ATG10: variants seen among roughly 807,000 people sequenced by gnomAD.
ATG10 encodes the protein autophagy related 10.
Under a neutral mutation model 32.1 loss-of-function variants are expected in ATG10, and 30 were observed. That is an observed-to-expected ratio of 0.94 (90% CI 0.70 to 1.27). ATG10 has a LOEUF of 1.27. Among genes scored for constraint, ATG10 ranks in the 50% most tolerant of loss-of-function variants. The probability of loss-of-function intolerance (pLI) is 0.00; values close to 1 mark genes in which losing one functional copy is unlikely to be tolerated. For synonymous variants in ATG10, 87 were observed against 91.5 expected, an observed-to-expected ratio of 0.95 and a Z score of 0.28; for missense variants, 233 against 262.3, an observed-to-expected ratio of 0.89 and a Z score of 0.77.
chr5:82,111,704 A>G (rs1765627461), intron 3 of ATG10, among the ~76,000 whole-genome samples: 1 of 152,018 alleles, frequency 6.6e-6, no homozygotes, highest in Non-Finnish European at 1.5e-5. Context: ...TAGAACTAGT[A>G]GATGAAAACA....
chr5:82,160,878 T>C (rs953013138), intron 3 of ATG10, among the ~76,000 whole-genome samples: 1 of 152,160 alleles, frequency 6.6e-6, no homozygotes, highest in South Asian at 2.1e-4. Flanking sequence ...TGCTGGTAAA[T>C]TACCTATGAA....
intron 3 of ATG10, among the ~76,000 whole-genome samples, chr5:82,074,673 G>A (rs1188915558): frequency 6.6e-6 from 1 of 152,034 alleles, no homozygotes; most frequent in Non-Finnish European, 1.5e-5. Context: ...TATTCTCCAC[G>A]GTACCTAATC....
intron 1 of ATG10, among the ~76,000 whole-genome samples, chr5:81,973,477 C>T (rs576497884): frequency 6.6e-6 from 1 of 152,352 alleles, no homozygotes; most frequent in South Asian, 2.1e-4. Flanking sequence ...ATCCTTTCTT[C>T]AGTGTTTATG....
At chr5:82,080,861 G>A (rs540817925) in intron 3 of ATG10, among the ~76,000 whole-genome samples, 15 of 152,112 alleles carry the variant, frequency 9.9e-5, no homozygotes, top group Middle Eastern at 3.4e-3. Context: ...TTTTTGTTCC[G>A]TATGAACTTT....
At chr5:82,229,485 C>T (rs1746261957) in intron 5 of ATG10, among the ~76,000 whole-genome samples, 1 of 152,136 alleles carries the variant, frequency 6.6e-6, no homozygotes, top group African/African-American at 2.4e-5. Context: ...TCTTATTGGG[C>T]AAGTTTCATG....
At position 82,254,562 on chromosome 5, in the gene ATG10, G is replaced by C. The variant is rs76810967; in HGVS notation, c.*499G>C. 1.3e-5 allele frequency: 1 copy of C among 78,506 alleles called. No homozygotes were observed. Among genetic ancestry groups the C allele is most frequent in the Admixed American group, 1.5e-4 (1 of 6,662 alleles). The allele number at this position is 78,506 out of a possible 1,614,324, so 4.9% of individuals were successfully genotyped here. On this transcript the variant is annotated 3_prime_UTR_variant, in exon 8 of 8. Transcript: ENST00000282185. ...TGACAGAGCCAGACACTGTCTCGGG[G>C]AAAAAAAAAAAAAAAAAAAGACACA...
At chr5:82,136,086 C>G (rs890024832) in intron 3 of ATG10, among the ~76,000 whole-genome samples, 3 of 152,102 alleles carry the variant, frequency 2.0e-5, no homozygotes, top group African/African-American at 7.2e-5. Context: ...GGTAATTATT[C>G]TTCCATCCCT....
chr5:82,009,889 G>A lies in ATG10; in HGVS notation c.108+22211G>A, dbSNP rs567018500. ...GACTTGCCACTAGTGCCATTATGGC[G>A]TGTGAAGTCACCACCCTGACACATA... is the stretch of plus-strand genomic sequence containing the variant. On this transcript the variant is annotated intron_variant, in intron 2 of 7. Transcript: ENST00000282185. The A allele has an allele frequency of 2.5e-5, 40 of 1,610,020 alleles. No homozygotes were observed. The Middle Eastern group carries it at 5.0e-4, about 20-fold the overall frequency.
In ATG10 at chr5:82,142,049, G is replaced by A. The variant is rs1227718275; in HGVS notation, c.217-22350G>A. Among the ~76,000 whole-genome samples, 9 of 152,122 alleles carry A rather than the reference G, an allele frequency of 5.9e-5. No homozygotes were observed. In the South Asian group the frequency reaches 6.2e-4, roughly 11 times the overall value. On this transcript the variant is annotated intron_variant, in intron 3 of 7. Transcript: ENST00000282185. ...TTCTCCTTCTACCAGTGAATGTAGC[G>A]TTACAGTGCATATTCTGGATTATAT... is the stretch of plus-strand genomic sequence containing the variant.
chr5:82,197,782 A>G (rs1744925255), intron 5 of ATG10, among the ~76,000 whole-genome samples: 1 of 149,772 alleles, frequency 6.7e-6, no homozygotes, highest in Admixed American at 6.7e-5. Context: ...ATCTCTATAG[A>G]TAAAATGATT....
At chr5:82,066,719 T>A (rs1322693063) in intron 3 of ATG10, among the ~76,000 whole-genome samples, 1 of 152,176 alleles carries the variant, frequency 6.6e-6, no homozygotes, top group Non-Finnish European at 1.5e-5. Flanking sequence ...GGCCTTGAAA[T>A]ACACTCATTT....
chr5:82,138,830 A>G (rs1280020686), intron 3 of ATG10, among the ~76,000 whole-genome samples: 2 of 137,260 alleles, frequency 1.5e-5, no homozygotes, highest in Non-Finnish European at 3.1e-5. Flanking sequence ...GAAGATTGAA[A>G]GTCGAGCTCT....
chr5:82,052,196 T>C (rs1317948897), intron 2 of ATG10, among the ~76,000 whole-genome samples: 1 of 152,170 alleles, frequency 6.6e-6, no homozygotes, highest in Non-Finnish European at 1.5e-5. Flanking sequence ...GACCCTTAGA[T>C]AACCACCCAT....
intron 5 of ATG10, among the ~76,000 whole-genome samples, chr5:82,240,987 A>G (rs1746769684): frequency 6.6e-6 from 1 of 152,222 alleles, no homozygotes; most frequent in South Asian, 2.1e-4. Flanking sequence ...TCATTGTGAT[A>G]TAACTAACAT....
At chr5:81,993,432 T>TTTTCTTTTCTTTCC (rs1761566038) in intron 2 of ATG10, among the ~76,000 whole-genome samples, 3 of 139,056 alleles carry the variant, frequency 2.2e-5, no homozygotes, top group Non-Finnish European at 1.5e-5. Context: ...TCTTTCCTTC[T>TTTTCTTTTCTTTCC]TTCTTTCTTT....
At chr5:82,169,257 T>C (rs1420689243) in intron 4 of ATG10, among the ~76,000 whole-genome samples, 1 of 151,186 alleles carries the variant, frequency 6.6e-6, no homozygotes, top group Non-Finnish European at 1.5e-5. Flanking sequence ...AGGAAGGATG[T>C]CCTAGAAATT....
intron 3 of ATG10, among the ~76,000 whole-genome samples, chr5:82,124,558 C>T (rs1305384846): frequency 2.0e-5 from 3 of 151,760 alleles, no homozygotes; most frequent in Non-Finnish European, 4.4e-5. Flanking sequence ...GTTTGGTTTT[C>T]TGTTCTTGTG....
intron 2 of ATG10, among the ~76,000 whole-genome samples, chr5:81,998,720 A>G (rs1180868189): frequency 2.6e-5 from 4 of 152,228 alleles, no homozygotes; most frequent in Non-Finnish European, 4.4e-5. Flanking sequence ...GAAAACAGAA[A>G]AAAGCAGGGG....
chr5:82,072,636 C>G (rs189892600), intron 3 of ATG10, among the ~76,000 whole-genome samples: 99 of 152,246 alleles, frequency 6.5e-4, no homozygotes, highest in African/African-American at 2.2e-3. Flanking sequence ...TACATACATG[C>G]ATCTGCTCCA....
Sources: allele counts gnomAD v4.1 joint callset (sites outside exome capture counted in the v4.1 genomes callset), GRCh38; gene constraint gnomAD v4.1.1; transcripts MANE v1.5; gene names NCBI Gene and HGNC (gene_info 2026-07-23, HGNC 2026-07-21).